PCSK6: variants seen among roughly 807,000 people sequenced by gnomAD.
PCSK6 encodes proprotein convertase subtilisin/kexin type 6.
PCSK6 carries 85 observed loss-of-function variants against 123.3 expected under a neutral mutation model. That is an observed-to-expected ratio of 0.69 (90% CI 0.58 to 0.83). The LOEUF is 0.83. Ranked by LOEUF, PCSK6 falls within the 40% of genes least tolerant of loss-of-function variation. The pLI is 0.00. For missense variants in PCSK6, 1,191 were observed against 1,282.3 expected (o/e 0.93, Z 1.09); for synonymous variants, 508 against 516.0 (o/e 0.98, Z 0.21).
At chr15:101,467,113 T>C (rs1596366749) in intron 1 of PCSK6, among the ~76,000 whole-genome samples, 1 of 151,254 alleles carries the variant, frequency 6.6e-6, no homozygotes, top group African/African-American at 2.5e-5. Context: ...GTAAAAAAAA[T>C]TCATAAACTG....
At chr15:101,407,408 G>A (rs2042811114) in intron 6 of PCSK6, among the ~76,000 whole-genome samples, 1 of 152,100 alleles carries the variant, frequency 6.6e-6, no homozygotes, top group South Asian at 2.1e-4. Flanking sequence ...TGCTGACCCT[G>A]GGGAGACTGT....
chr15:101,313,303 T>G, intron 20 of PCSK6, 73 bp downstream of exon 20: 1 of 1,610,744 alleles, frequency 6.2e-7, no homozygotes, highest in Non-Finnish European at 8.5e-7. Context: ...GGGAAGATGC[T>G]GCCAGACTCT....
At chr15:101,312,300 T>C (rs2039884207) in intron 20 of PCSK6, 2 of 151,820 alleles carry the variant, frequency 1.3e-5, no homozygotes, top group Non-Finnish European at 2.9e-5. Context: ...TAGGGCAATA[T>C]TCAGCCAGAA....
At chr15:101,426,679 G>T (rs904480891) in intron 6 of PCSK6, among the ~76,000 whole-genome samples, 1 of 152,190 alleles carries the variant, frequency 6.6e-6, no homozygotes, top group Non-Finnish European at 1.5e-5. Context: ...CCAAGGACTG[G>T]TGATCCAGGG....
chr15:101,444,012 A>G (rs544587071), intron 1 of PCSK6, among the ~76,000 whole-genome samples: 8 of 152,366 alleles, frequency 5.3e-5, no homozygotes, highest in African/African-American at 1.7e-4. Flanking sequence ...GAAGTAGCTA[A>G]GTTGGTGTCA....
At chr15:101,452,403 T>C (rs11856026) in intron 1 of PCSK6, among the ~76,000 whole-genome samples, 4,827 of 152,332 alleles carry the variant, frequency 0.032, 238 homozygotes, top group African/African-American at 0.11. Context: ...TGTCTGGAAT[T>C]AGTTGTTTTA....
At chr15:101,370,052 A>T (rs1277518104) in intron 12 of PCSK6, among the ~76,000 whole-genome samples, 1 of 152,028 alleles carries the variant, frequency 6.6e-6, no homozygotes, top group Non-Finnish European at 1.5e-5. Flanking sequence ...TCCCTCCGCT[A>T]AACAACAAAA....
intron 15 of PCSK6, among the ~76,000 whole-genome samples, chr15:101,327,766 G>C (rs1041242345): frequency 1.3e-5 from 2 of 152,172 alleles, no homozygotes; most frequent in Non-Finnish European, 2.9e-5. Flanking sequence ...GTTAGACCCA[G>C]TGAGGCTGGC....
At chr15:101,413,466 A>AC (rs1381801371) in intron 6 of PCSK6, among the ~76,000 whole-genome samples, 1 of 105,740 alleles carries the variant, frequency 9.5e-6, no homozygotes, top group Non-Finnish European at 2.3e-5. Context: ...GGAAGGCAGG[A>AC]AAAAAAAAAC....
At chr15:101,414,341 T>TA (rs1252363583) in intron 6 of PCSK6, among the ~76,000 whole-genome samples, 2 of 151,790 alleles carry the variant, frequency 1.3e-5, no homozygotes, top group South Asian at 4.2e-4. Flanking sequence ...TCTAGTAAAA[T>TA]AAAAAAATCA....
At position 101,427,885 on chromosome 15, in the gene PCSK6, GC is replaced by G. The variant is rs2056312123; in HGVS notation, c.823+6del. 6.4e-7 allele frequency: 1 copy of G among 1,560,040 alleles called. No individual in the cohort carries two copies. The highest frequency in any genetic ancestry group is 1.4e-5 in the African/African-American group (1 of 73,690). On this transcript the variant is annotated splice_donor_region_variant and intron_variant, in intron 6 of 21. Coordinates refer to ENST00000611716, the MANE Select transcript of PCSK6 (RefSeq NM_002570.5). Reference sequence around the variant, plus strand: ...CTCGGCTCGCAGGCTGCCACGCCCGGCCTTACCTCCTATTTTGGCATTGTAC... The same window carrying G: ...CTCGGCTCGCAGGCTGCCACGCCCGGCTTACCTCCTATTTTGGCATTGTAC...
intron 9 of PCSK6, among the ~76,000 whole-genome samples, chr15:101,388,020 A>G (rs3825907): frequency 0.86 from 130,580 of 152,234 alleles, 56,228 homozygotes; most frequent in African/African-American, 0.9. Flanking sequence ...GAGCTTTCAC[A>G]TGCCCACTGA....
chr15:101,329,979 G>A (rs1215239023), intron 15 of PCSK6, among the ~76,000 whole-genome samples: 1 of 152,228 alleles, frequency 6.6e-6, no homozygotes, highest in African/African-American at 2.4e-5. Flanking sequence ...TCCCACACCT[G>A]CTGAATCCCA....
chr15:101,373,402 A>G (rs942195300), intron 11 of PCSK6, among the ~76,000 whole-genome samples: 11 of 152,212 alleles, frequency 7.2e-5, no homozygotes, highest in Admixed American at 7.2e-4. Context: ...ACTCAGTTAC[A>G]GGCCACCAGG....
rs1239893415 is a variant in PCSK6 at position 101,384,076 on chromosome 15, G to A, written c.1414+246C>T. On this transcript the variant is annotated intron_variant, in intron 10 of 21. Transcript: ENST00000611716. ...TAAATATTGGTATAGGTGGTGTCTC[G>A]GTGTGGCCAAAGTTATAGAGTATAG... The A allele has an allele frequency of 2.8e-5, 27 of 978,624 alleles. No individual in the cohort carries two copies. In the South Asian group the frequency reaches 8.1e-4, roughly 29 times the overall value. 60.6% of individuals were successfully genotyped at this position (978,624 alleles called of 1,614,324 possible).
At chr15:101,386,763 CGTT>C in intron 9 of PCSK6, among the ~76,000 whole-genome samples, 1 of 152,360 alleles carries the variant, frequency 6.6e-6, no homozygotes, top group Admixed American at 6.5e-5. Context: ...TTGCTCCCGC[CGTT>C]CAGCTGTTGT....
intron 8 of PCSK6, among the ~76,000 whole-genome samples, chr15:101,392,302 G>A (rs72770779): frequency 1.5e-3 from 223 of 152,348 alleles, no homozygotes; most frequent in Non-Finnish European, 2.4e-3. Context: ...TAACCAGGCC[G>A]AGCTGCTACC....
intron 14 of PCSK6, 78 bp from the exon 15 acceptor site, chr15:101,331,767 A>G (rs941494421): frequency 6.3e-7 from 1 of 1,598,378 alleles, no homozygotes; most frequent in Non-Finnish European, 8.6e-7. Context: ...CACCTTTGCC[A>G]GGAGCAGCCC....
At chr15:101,313,343 G>T (rs754775985) in intron 20 of PCSK6, 33 bp downstream of exon 20, 1 of 1,612,516 alleles carries the variant, frequency 6.2e-7, no homozygotes, top group Non-Finnish European at 8.5e-7. Context: ...GCTGGACACA[G>T]CTGCCTGCCG....
Sources: allele counts gnomAD v4.1 joint callset (sites outside exome capture counted in the v4.1 genomes callset), GRCh38; gene constraint gnomAD v4.1.1; transcripts MANE v1.5; gene names NCBI Gene and HGNC (gene_info 2026-07-23, HGNC 2026-07-21).